DOK6: variants seen among roughly 807,000 people sequenced by gnomAD.
DOK6 encodes the protein docking protein 6.
A neutral mutation model predicts 44.0 loss-of-function variants in DOK6; 22 were observed. The ratio of observed to expected loss-of-function variants is 0.50; its 90% CI spans 0.36 to 0.71. The LOEUF (loss-of-function observed/expected upper bound fraction) is 0.71. Among genes scored for constraint, DOK6 ranks in the 30% least tolerant of loss-of-function variants. The pLI is 0.00. For synonymous variants in DOK6, 166 were observed against 145.5 expected (o/e 1.14, Z -1.01); for missense variants, 340 against 416.4 (o/e 0.82, Z 1.60).
chr18:69,445,300 T>C (rs1234100399), intron 1 of DOK6, among the ~76,000 whole-genome samples: 6 of 152,232 alleles, frequency 3.9e-5, no homozygotes, highest in Non-Finnish European at 8.8e-5. Flanking sequence ...GATTTATTTT[T>C]CTTAACCAGT....
rs199682089 is a variant in DOK6, at chr18:69,757,910, A to G, written c.856+37A>G. The G allele has an allele frequency of 3.2e-6, 5 of 1,550,768 alleles. No individual in the cohort carries two copies. In the Admixed American group the frequency reaches 8.3e-5, roughly 26 times the overall value. ...TAATGTAAGAAAGCAGTGCCTCCAT[A>G]AGCTTCCTCCAGGTGGACTGAGTCA... On this transcript the variant is annotated intron_variant, in intron 7 of 7. Coordinates refer to ENST00000382713, the MANE Select transcript of DOK6 (RefSeq NM_152721.6).
chr18:69,618,034 G>A (rs1984353056), intron 3 of DOK6, among the ~76,000 whole-genome samples: 1 of 152,136 alleles, frequency 6.6e-6, no homozygotes, highest in Non-Finnish European at 1.5e-5. Flanking sequence ...AGGAGACATG[G>A]AAAGAAGAGA....
chr18:69,758,114 G>A (rs1282856317), intron 7 of DOK6, among the ~76,000 whole-genome samples: 3 of 152,218 alleles, frequency 2.0e-5, no homozygotes, highest in Admixed American at 1.3e-4. Flanking sequence ...CATTTGGCAC[G>A]AGAACTTGAC....
At chr18:69,754,785 T>C (rs1979301496) in intron 6 of DOK6, among the ~76,000 whole-genome samples, 1 of 152,214 alleles carries the variant, frequency 6.6e-6, no homozygotes, top group Admixed American at 6.5e-5. Flanking sequence ...TCCCCACACT[T>C]ATATCTTCCC....
At chr18:69,630,875 C>T (rs1984674811) in intron 3 of DOK6, among the ~76,000 whole-genome samples, 1 of 152,118 alleles carries the variant, frequency 6.6e-6, no homozygotes, top group African/African-American at 2.4e-5. Flanking sequence ...AATTTATAGG[C>T]ATTTTCTTAA....
At chr18:69,616,778 A>G (rs933625264) in intron 3 of DOK6, among the ~76,000 whole-genome samples, 5 of 152,230 alleles carry the variant, frequency 3.3e-5, no homozygotes, top group Non-Finnish European at 5.9e-5. Flanking sequence ...CCTGTTACAC[A>G]GAATTGTGCT....
At chr18:69,503,515 A>G (rs536052314) in intron 1 of DOK6, among the ~76,000 whole-genome samples, 1 of 152,242 alleles carries the variant, frequency 6.6e-6, no homozygotes, top group African/African-American at 2.4e-5. Context: ...GTAAATAGTA[A>G]GTATGGTTGA....
At chr18:69,691,437 G>A (rs112930024) in intron 4 of DOK6, among the ~76,000 whole-genome samples, 4 of 151,248 alleles carry the variant, frequency 2.6e-5, no homozygotes, top group African/African-American at 9.7e-5. Flanking sequence ...TAGAATTTGG[G>A]TTGTTTGTCA....
intron 3 of DOK6, among the ~76,000 whole-genome samples, chr18:69,617,531 A>G: frequency 6.9e-6 from 1 of 144,470 alleles, no homozygotes; most frequent in Non-Finnish European, 1.5e-5. Context: ...AAGAAAGGAA[A>G]GAAAGAAAAG....
At chr18:69,669,472 G>C (rs1368158016) in intron 3 of DOK6, among the ~76,000 whole-genome samples, 1 of 152,168 alleles carries the variant, frequency 6.6e-6, no homozygotes, top group African/African-American at 2.4e-5. Context: ...CATGATGTAA[G>C]CTATACAACT....
At chr18:69,449,659 T>C (rs1049308454) in intron 1 of DOK6, among the ~76,000 whole-genome samples, 23 of 152,184 alleles carry the variant, frequency 1.5e-4, no homozygotes, top group East Asian at 5.8e-4. Flanking sequence ...TAAATGTCCC[T>C]GTCTGACAGC....
chr18:69,821,470 C>CATCACAGT (rs1361922286), intron 7 of DOK6, among the ~76,000 whole-genome samples: 1 of 152,150 alleles, frequency 6.6e-6, no homozygotes, highest in Non-Finnish European at 1.5e-5. Context: ...GAATGTTAAC[C>CATCACAGT]ATCACAGTTT....
At chr18:69,693,053 C>T (rs1483359776) in intron 4 of DOK6, among the ~76,000 whole-genome samples, 2 of 151,996 alleles carry the variant, frequency 1.3e-5, no homozygotes, top group East Asian at 1.9e-4. Flanking sequence ...TCTTTTGAGC[C>T]ATTTTTGGCT....
intron 7 of DOK6, among the ~76,000 whole-genome samples, chr18:69,761,431 C>T (rs973301184): frequency 5.3e-5 from 8 of 152,208 alleles, no homozygotes; most frequent in Non-Finnish European, 1.2e-4. Context: ...GGGCTTCTCT[C>T]TCTTGCTCTG....
At chr18:69,777,871 A>G (rs1980127280) in intron 7 of DOK6, 1 of 152,146 alleles carries the variant, frequency 6.6e-6, no homozygotes, top group African/African-American at 2.4e-5. Flanking sequence ...TTTAAAAAAT[A>G]TTTATCTGTA....
chr18:69,600,820 T>C (rs889712550), intron 3 of DOK6, among the ~76,000 whole-genome samples: 9 of 152,230 alleles, frequency 5.9e-5, no homozygotes, highest in African/African-American at 2.2e-4. Flanking sequence ...TTTGGTTATA[T>C]TTCTTTATGT....
At chr18:69,443,341 G>A (rs1012722081) in intron 1 of DOK6, among the ~76,000 whole-genome samples, 4 of 152,180 alleles carry the variant, frequency 2.6e-5, no homozygotes, top group African/African-American at 9.7e-5. Context: ...GTGGTCACGT[G>A]TGTGGAGCAA....
chr18:69,763,697 G>C (rs1599312531), intron 7 of DOK6, among the ~76,000 whole-genome samples: 1 of 152,280 alleles, frequency 6.6e-6, no homozygotes, highest in African/African-American at 2.4e-5. Context: ...TTACTTTAGG[G>C]CTCTCACCTT....
intron 1 of DOK6, among the ~76,000 whole-genome samples, chr18:69,550,275 T>C (rs1982527284): frequency 1.3e-5 from 2 of 152,130 alleles, no homozygotes; most frequent in African/African-American, 4.8e-5. Flanking sequence ...ACAAAATGCC[T>C]GTATGAAAAT....
Sources: allele counts gnomAD v4.1 joint callset (sites outside exome capture counted in the v4.1 genomes callset), GRCh38; gene constraint gnomAD v4.1.1; transcripts MANE v1.5; gene names NCBI Gene and HGNC (gene_info 2026-07-23, HGNC 2026-07-21).